Variants in PIP5K1C observed in about 807,000 individuals in gnomAD.
The protein encoded by PIP5K1C is phosphatidylinositol 4-phosphate 5-kinase type-1 gamma.
In PIP5K1C, 45 loss-of-function variants were observed where a neutral mutation model predicts 80.1. The ratio of observed to expected loss-of-function variants is 0.56; its 90% CI spans 0.44 to 0.72. The LOEUF (loss-of-function observed/expected upper bound fraction) is 0.72. Ranked by LOEUF, PIP5K1C falls within the 30% of genes least tolerant of loss-of-function variation. The pLI, the probability that PIP5K1C is intolerant of heterozygous loss-of-function variation, is 0.00. For missense variants in PIP5K1C, 753 were observed against 954.6 expected (o/e 0.79, Z 2.78); for synonymous variants, 498 against 420.1 (o/e 1.19, Z -2.27).
chr19:3,655,084 G>C (rs2034574504), intron 6 of PIP5K1C, among the ~76,000 whole-genome samples: 1 of 144,762 alleles, frequency 6.9e-6, no homozygotes, highest in Non-Finnish European at 1.5e-5. Context: ...CTCCAGCCTG[G>C]GTGACAGAGC....
At chr19:3,638,755 TGG>T in intron 16 of PIP5K1C, 127 bp downstream of exon 16, 1 of 969,444 alleles carries the variant, frequency 1.0e-6, no homozygotes. Context: ...AGAGAGCATG[TGG>T]GTGGGTCGAC....
intron 1 of PIP5K1C, among the ~76,000 whole-genome samples, chr19:3,698,482 A>G (rs1341132090): frequency 2.6e-5 from 4 of 152,208 alleles, no homozygotes; most frequent in African/African-American, 9.7e-5. Flanking sequence ...CCAGAGATAA[A>G]AAGCAAGCAG....
intron 8 of PIP5K1C, among the ~76,000 whole-genome samples, 183 bp downstream of exon 8, chr19:3,651,643 C>T (rs554755119): frequency 2.0e-5 from 3 of 152,366 alleles, no homozygotes; most frequent in Admixed American, 6.5e-5. Context: ...ACTCAGCCTG[C>T]GGCCCGCACT....
At chr19:3,679,207 C>T (rs1479662562) in intron 1 of PIP5K1C, among the ~76,000 whole-genome samples, 1 of 152,076 alleles carries the variant, frequency 6.6e-6, no homozygotes. Context: ...TTTGAGGGAA[C>T]TCTGCTTGAG....
At chr19:3,660,842 C>T in intron 5 of PIP5K1C, 124 bp downstream of exon 5, 2 of 757,488 alleles carry the variant, frequency 2.6e-6, no homozygotes, top group Non-Finnish European at 4.7e-6. Context: ...GGCCCTGAAC[C>T]TGACCATAAC....
At chr19:3,697,065 C>G (rs1022862236) in intron 1 of PIP5K1C, among the ~76,000 whole-genome samples, 1 of 145,746 alleles carries the variant, frequency 6.9e-6, no homozygotes, top group Non-Finnish European at 1.5e-5. Context: ...CGGGGAGGAC[C>G]GAGCTGGACC....
At chr19:3,646,093 A>AG (rs35033616) in intron 10 of PIP5K1C, 35 bp from the exon 11 acceptor site, 1 of 1,358,672 alleles carries the variant, frequency 7.4e-7, no homozygotes, top group East Asian at 2.3e-5. Context: ...CCGGGGGCAG[A>AG]GGGTGCATCA....
At position 3,664,810 on chromosome 19, in the gene PIP5K1C, G is replaced by A; in HGVS notation, c.219+12C>T. ...CCCGCTCCCTCCAGCCAGCTAAGGGGAGCCGAGGAACCTTCTTGTAGGTGG... is the reference window on the plus strand; with the variant it reads ...CCCGCTCCCTCCAGCCAGCTAAGGGAAGCCGAGGAACCTTCTTGTAGGTGG... On this transcript the variant is annotated intron_variant, in intron 3 of 17. Coordinates refer to ENST00000335312, the MANE Select transcript of PIP5K1C (RefSeq NM_012398.3). The A allele has an allele frequency of 1.2e-6, 2 of 1,608,248 alleles. No homozygotes were observed. The highest frequency in any genetic ancestry group is 2.2e-5 in the East Asian group (1 of 44,872).
Position 3,648,968 on chromosome 19 carries a change from CTGGACACACACA to C in PIP5K1C, c.1128-272_1128-261del, listed in dbSNP as rs1445487876. 6.6e-6 allele frequency among the ~76,000 whole-genome samples: 1 copy of C among 152,154 alleles called. No individual in the cohort carries two copies. On this transcript the variant is annotated intron_variant, in intron 8 of 17. Transcript: ENST00000335312. This position sits in a 1 kb window ranked among gnomAD's most constrained non-coding sequence, Gnocchi z 4.3. Reference sequence around the variant, plus strand: ...ACATACCCCCTACACACACGTGTGCCTGGACACACACATGCACACACACGCACACTGCATGCC... The same window carrying C: ...ACATACCCCCTACACACACGTGTGCCTGCACACACACGCACACTGCATGCC...
intron 15 of PIP5K1C, 93 bp downstream of exon 15, chr19:3,641,612 A>C: frequency 2.3e-6 from 2 of 886,168 alleles, no homozygotes; most frequent in South Asian, 1.3e-5. Context: ...CTAGTAAGAA[A>C]GAACTGCTTC....
intron 1 of PIP5K1C, among the ~76,000 whole-genome samples, chr19:3,678,558 G>A (rs1199397742): frequency 8.1e-6 from 1 of 122,830 alleles, no homozygotes; most frequent in Non-Finnish European, 1.7e-5. Flanking sequence ...AGAGATGGAA[G>A]GAGGGATGGA....
At chr19:3,676,679 A>G (rs1425863601) in intron 1 of PIP5K1C, among the ~76,000 whole-genome samples, 1 of 152,228 alleles carries the variant, frequency 6.6e-6, no homozygotes, top group Non-Finnish European at 1.5e-5. Flanking sequence ...AAGTTACCCA[A>G]AGTCAACGGT....
chr19:3,689,397 C>G (rs1490069964), intron 1 of PIP5K1C, among the ~76,000 whole-genome samples: 1 of 151,966 alleles, frequency 6.6e-6, no homozygotes, highest in African/African-American at 2.4e-5. Context: ...ATGCCTGTAA[C>G]CCCAGCACTT....
At chr19:3,682,820 C>A (rs904305003) in intron 1 of PIP5K1C, among the ~76,000 whole-genome samples, 4 of 152,206 alleles carry the variant, frequency 2.6e-5, no homozygotes, top group African/African-American at 9.7e-5. Context: ...AGACCCCGAG[C>A]CAGGACCACC....
At chr19:3,687,506 T>TGCACAC (rs1373436402) in intron 1 of PIP5K1C, among the ~76,000 whole-genome samples, 17 of 149,844 alleles carry the variant, frequency 1.1e-4, no homozygotes, top group African/African-American at 3.7e-4. Context: ...CACGCACACA[T>TGCACAC]GCACATACAT....
At chr19:3,681,534 C>T (rs2035589244) in intron 1 of PIP5K1C, among the ~76,000 whole-genome samples, 1 of 152,102 alleles carries the variant, frequency 6.6e-6, no homozygotes, top group African/African-American at 2.4e-5. Context: ...GCCTGGCCCA[C>T]TTTTGTCTTT....
chr19:3,657,593 G>A (rs994275237), intron 5 of PIP5K1C, among the ~76,000 whole-genome samples: 4 of 152,082 alleles, frequency 2.6e-5, no homozygotes, highest in African/African-American at 4.8e-5. Flanking sequence ...ATAAACAGGT[G>A]GGGGGTGTCC....
rs2035974561 is a variant in PIP5K1C, at chr19:3,692,342, T to C, written c.94+7955A>G. Among the ~76,000 whole-genome samples, 1 of 151,860 alleles carries C rather than the reference T, an allele frequency of 6.6e-6. No homozygotes were observed. The highest frequency in any genetic ancestry group is 1.5e-5 in the Non-Finnish European group (1 of 67,932). On this transcript the variant is annotated intron_variant, in intron 1 of 17. Coordinates refer to ENST00000335312, the MANE Select transcript of PIP5K1C (RefSeq NM_012398.3). The surrounding 1 kb of genome is among the most constrained non-coding windows in gnomAD (Gnocchi z 5.2). ...CGGCTCCCACCACGGCCCCCAACGCTCCCTACAGGGGCTCCTGGGGCCTCC... is the reference window on the plus strand; with the variant it reads ...CGGCTCCCACCACGGCCCCCAACGCCCCCTACAGGGGCTCCTGGGGCCTCC...
rs2034525545 is a variant in PIP5K1C, at chr19:3,653,606, G to C, written c.622-17C>G. On this transcript the variant is annotated splice_polypyrimidine_tract_variant and intron_variant, in intron 6 of 17. Coordinates refer to ENST00000335312, the MANE Select transcript of PIP5K1C (RefSeq NM_012398.3). ...GTTGAGGTTCTGCCGGGGGAAGAGG[G>C]CAAGTCGTGGAGGGCGGCTGGGCCA... The C allele has an allele frequency of 6.3e-7, 1 of 1,599,992 alleles. No homozygotes were observed. Among genetic ancestry groups the C allele is most frequent in the African/African-American group, 1.3e-5 (1 of 74,712 alleles).
Sources: allele counts gnomAD v4.1 joint callset (sites outside exome capture counted in the v4.1 genomes callset), GRCh38; gene constraint gnomAD v4.1.1; non-coding constraint Gnocchi (gnomAD v3.1); transcripts MANE v1.5; gene names NCBI Gene and HGNC (gene_info 2026-07-23, HGNC 2026-07-21).